The following UBE2D2 variants were observed in gnomAD, a reference collection of about 807,000 sequenced individuals.
The protein encoded by UBE2D2 is ubiquitin conjugating enzyme E2 D2, also known as ubiquitin-conjugating enzyme E2 D2.
In UBE2D2, 2 loss-of-function variants were observed where a neutral mutation model predicts 24.2. The observed-to-expected ratio is 0.08, with a 90% CI of 0.03 to 0.26. UBE2D2 has a LOEUF of 0.26. UBE2D2 is among the 10% of genes least tolerant of loss of function. The pLI is 1.00. For missense variants in UBE2D2, 44 were observed against 177.6 expected (o/e 0.25, Z 4.28); for synonymous variants, 58 against 56.5 (o/e 1.03, Z -0.12).
chr5:139,581,628 C>A (rs911803947), intron 1 of UBE2D2, among the ~76,000 whole-genome samples: 12 of 152,096 alleles, frequency 7.9e-5, no homozygotes, highest in Admixed American at 1.3e-4. Context: ...AGGCCTTGCA[C>A]AATTTTTTGG....
intron 1 of UBE2D2, among the ~76,000 whole-genome samples, chr5:139,541,599 C>CAAAAAAAAAAAA (rs892398676): frequency 3.4e-5 from 2 of 58,458 alleles, no homozygotes. Context: ...GACTCCATTT[C>CAAAAAAAAAAAA]AAAAAAAAAA....
At chr5:139,573,400 A>G (rs562763189) in intron 1 of UBE2D2, among the ~76,000 whole-genome samples, 1 of 152,236 alleles carries the variant, frequency 6.6e-6, no homozygotes, top group Admixed American at 6.5e-5. Context: ...TTACATAATA[A>G]AAGTCATCCT....
intron 6 of UBE2D2, among the ~76,000 whole-genome samples, chr5:139,625,676 C>T (rs886614232): frequency 1.4e-4 from 22 of 151,814 alleles, no homozygotes; most frequent in Admixed American, 1.2e-3. Flanking sequence ...ACAATCTTGG[C>T]TCACTGCAGC....
Position 139,621,010 on chromosome 5 carries a change from C to T in UBE2D2, c.305-2358C>T, listed in dbSNP as rs141387118. Among the ~76,000 whole-genome samples, 897 of 152,260 alleles carry T rather than the reference C, an allele frequency of 5.9e-3. 13 individuals carry two copies. The highest frequency in any genetic ancestry group is 0.018 in the African/African-American group (755 of 41,540). ...CTGTAATCCCAGCACTTCGGGAGGC[C>T]GAGGCAGGTGGATCACTTGAGCCTA... On this transcript the variant is annotated intron_variant, in intron 5 of 6. Coordinates refer to ENST00000398733, the MANE Select transcript of UBE2D2 (RefSeq NM_003339.3).
chr5:139,611,873 G>A (rs1032112520), intron 2 of UBE2D2: 1 of 151,876 alleles, frequency 6.6e-6, no homozygotes, highest in African/African-American at 2.4e-5. Context: ...TTTTCCACTC[G>A]CAGTCATATA....
chr5:139,532,723 C>T (rs1366365344), intron 1 of UBE2D2, among the ~76,000 whole-genome samples: 4 of 151,928 alleles, frequency 2.6e-5, no homozygotes, highest in East Asian at 1.9e-4. Flanking sequence ...CTGACCTCAA[C>T]GGATCAGCCT....
At position 139,572,556 on chromosome 5, in the gene UBE2D2, AG is replaced by A. The variant is rs1753372248; in HGVS notation, c.24+10742del. Among the ~76,000 whole-genome samples, 3 of 152,190 alleles carry A rather than the reference AG, an allele frequency of 2.0e-5. No individual in the cohort carries two copies. The South Asian group carries it at 6.2e-4, about 32-fold the overall frequency. ...GGCTGCAGTGAGCTGTGATCATGCC[AG>A]TGCACTCCAGCTTGGGCCACAGAGC... On this transcript the variant is annotated intron_variant, in intron 1 of 6. Transcript: ENST00000398733.
At chr5:139,620,608 A>C (rs574566205) in intron 5 of UBE2D2, among the ~76,000 whole-genome samples, 1 of 152,340 alleles carries the variant, frequency 6.6e-6, no homozygotes, top group Non-Finnish European at 1.5e-5. Flanking sequence ...TTTTTTAAAA[A>C]AACTTTTCAT....
At position 139,626,763 on chromosome 5, in the gene UBE2D2, A is replaced by G; in HGVS notation, c.406A>G (p.Arg136Gly). ...IYKTDREKYN[R>G]IAREWTQKYA... The stretch of plus-strand genomic sequence containing the variant: ...TTCTCTTTGTGTGTACAGGTACAAC[A>G]GAATAGCTCGGGAATGGACTCAGAA... Residue 136 changes from arginine (R) to glycine (G), a missense_variant, in exon 7 of 7, where the codon AGA becomes GGA. Coordinates refer to ENST00000398733, the MANE Select transcript of UBE2D2 (RefSeq NM_003339.3). The G allele has an allele frequency of 1.2e-6, 2 of 1,614,006 alleles. No individual in the cohort carries two copies. The highest frequency in any genetic ancestry group is 1.1e-5 in the South Asian group (1 of 91,078).
At position 139,600,520 on chromosome 5, in the gene UBE2D2, A is replaced by C. The variant is rs187053661; in HGVS notation, c.88+85A>C. 58 of 1,410,346 alleles carry C rather than the reference A, an allele frequency of 4.1e-5. 1 individual carries two copies. The African/African-American group carries it at 7.1e-4, about 17-fold the overall frequency. 87.4% of individuals were successfully genotyped at this position (1,410,346 alleles called of 1,614,324 possible). On this transcript the variant is annotated intron_variant, in intron 2 of 6. Coordinates refer to ENST00000398733, the MANE Select transcript of UBE2D2 (RefSeq NM_003339.3). Reference sequence around the variant, plus strand: ...AACAATTATGGTATAGGGAAGAGGCAGTGTTTAACCCTTAGTGGCCCATGA... The same window carrying C: ...AACAATTATGGTATAGGGAAGAGGCCGTGTTTAACCCTTAGTGGCCCATGA...
intron 6 of UBE2D2, among the ~76,000 whole-genome samples, chr5:139,624,187 C>G (rs775702917): frequency 2.6e-5 from 4 of 152,124 alleles, no homozygotes; most frequent in Non-Finnish European, 4.4e-5. Flanking sequence ...GTGAAAGCCC[C>G]AAATTTCTTT....
intron 1 of UBE2D2, among the ~76,000 whole-genome samples, chr5:139,586,939 GTCTGT>G (rs771567840): frequency 9.2e-5 from 14 of 152,084 alleles, no homozygotes; most frequent in Admixed American, 5.9e-4. Context: ...TAGAGACAGA[GTCTGT>G]TGCCTAGGCT....
chr5:139,599,166 G>C (rs570647404), intron 1 of UBE2D2, among the ~76,000 whole-genome samples: 2 of 151,470 alleles, frequency 1.3e-5, no homozygotes, highest in East Asian at 2.0e-4. Context: ...AACTCCTGAC[G>C]TCAGGTGATC....
intron 1 of UBE2D2, 83 bp downstream of exon 1, chr5:139,561,898 C>A: frequency 7.0e-7 from 1 of 1,425,882 alleles, no homozygotes; most frequent in South Asian, 1.6e-5. Context: ...CCGTCGGGCT[C>A]GCGGCCTCCT....
intron 1 of UBE2D2, among the ~76,000 whole-genome samples, chr5:139,530,676 G>A (rs1752588261): frequency 6.6e-6 from 1 of 152,178 alleles, no homozygotes; most frequent in African/African-American, 2.4e-5. Flanking sequence ...TGAAGGAGGA[G>A]TTTGTAGAAA....
chr5:139,547,178 C>G (rs1340935032), intron 1 of UBE2D2, among the ~76,000 whole-genome samples: 1 of 151,770 alleles, frequency 6.6e-6, no homozygotes, highest in Admixed American at 6.6e-5. Context: ...GTAGTCCCAG[C>G]TACACGGGAG....
At chr5:139,623,249 C>G in intron 5 of UBE2D2, 119 bp from the exon 6 acceptor site, 1 of 475,914 alleles carries the variant, frequency 2.1e-6, no homozygotes, top group Non-Finnish European at 3.7e-6. Context: ...GTAAAACTTA[C>G]AAAGCTGCTA....
chr5:139,585,010 C>G (rs988954227), intron 1 of UBE2D2, among the ~76,000 whole-genome samples: 1 of 151,080 alleles, frequency 6.6e-6, no homozygotes, highest in Non-Finnish European at 1.5e-5. Context: ...AAGTGATTAT[C>G]TTGCCTCAGC....
At chr5:139,559,201 C>T (rs111554857), upstream of UBE2D2, among the ~76,000 whole-genome samples, 18 of 152,000 alleles carry the variant, frequency 1.2e-4, 2 homozygotes, top group African/African-American at 4.1e-4. Context: ...CCGAGGCGGG[C>T]GGATCACGAG....
Sources: allele counts gnomAD v4.1 joint callset (sites outside exome capture counted in the v4.1 genomes callset), GRCh38; gene constraint gnomAD v4.1.1; transcripts MANE v1.5; gene names NCBI Gene and HGNC (gene_info 2026-07-23, HGNC 2026-07-21).